FMN1: variants seen among roughly 807,000 people sequenced by gnomAD.
The protein encoded by FMN1 is formin-1.
Under a neutral mutation model 132.4 loss-of-function variants are expected in FMN1, and 110 were observed. The observed-to-expected ratio is 0.83, with a 90% CI of 0.71 to 0.97. The LOEUF (loss-of-function observed/expected upper bound fraction) is 0.97. FMN1 is among the 50% of genes least tolerant of loss of function. FMN1 has a pLI of 0.00. For synonymous variants in FMN1, 722 were observed against 651.7 expected, an observed-to-expected ratio of 1.11 and a Z score of -1.64; for missense variants, 1,792 against 1,705.3, an observed-to-expected ratio of 1.05 and a Z score of -0.90.
At chr15:33,177,622 T>C (rs1965558737) in intron 3 of FMN1, among the ~76,000 whole-genome samples, 1 of 152,012 alleles carries the variant, frequency 6.6e-6, no homozygotes, top group Non-Finnish European at 1.5e-5. Flanking sequence ...AGCGCACAAA[T>C]AGGATCAGAA....
At chr15:32,840,791 A>G (rs1015342913) in intron 17 of FMN1, among the ~76,000 whole-genome samples, 1 of 152,204 alleles carries the variant, frequency 6.6e-6, no homozygotes, top group African/African-American at 2.4e-5. Context: ...CAGAACATTG[A>G]GTGGACTGTA....
intron 4 of FMN1, among the ~76,000 whole-genome samples, chr15:33,128,564 C>G (rs562936725): frequency 6.6e-6 from 1 of 152,352 alleles, no homozygotes; most frequent in Non-Finnish European, 1.5e-5. Context: ...TCCGGAGTTT[C>G]TTGCTTCCGA....
At chr15:33,105,781 T>C (rs1451014577) in intron 4 of FMN1, 1 of 151,236 alleles carries the variant, frequency 6.6e-6, no homozygotes, top group African/African-American at 2.4e-5. Context: ...CATTGATTCA[T>C]AAGGTTATAA....
chr15:32,949,966 C>CGT (rs1164364044), intron 9 of FMN1, among the ~76,000 whole-genome samples: 2 of 7,404 alleles, frequency 2.7e-4, no homozygotes, highest in African/African-American at 9.8e-4. Flanking sequence ...TATATATATA[C>CGT]ACACATATAT....
chr15:32,899,915 A>G lies in FMN1; in HGVS notation c.3654+64T>C, dbSNP rs1223790078. ...TGGAACAATCTGGAATACGTTTTTT[A>G]AAATTAAAGGTAAAGAAAGAAAATA... On this transcript the variant is annotated intron_variant, in intron 14 of 20. Transcript: ENST00000616417. 3 of 1,517,606 alleles carry G rather than the reference A, an allele frequency of 2.0e-6. No homozygotes were observed. The Admixed American group carries it at 5.6e-5, about 28-fold the overall frequency. The allele number at this position is 1,517,606 out of a possible 1,614,324, so 94.0% of individuals were successfully genotyped here. A position where few individuals can be genotyped will look rare whatever the true frequency, so the allele number is the denominator to read the frequency against.
intron 3 of FMN1, among the ~76,000 whole-genome samples, chr15:33,161,456 C>G (rs71462853): frequency 6.6e-6 from 1 of 152,146 alleles, no homozygotes; most frequent in Non-Finnish European, 1.5e-5. Flanking sequence ...TCTCCTCCAG[C>G]TGCAGCTGCT....
chr15:33,047,843 C>G (rs1345677052), intron 6 of FMN1, among the ~76,000 whole-genome samples: 1 of 152,022 alleles, frequency 6.6e-6, no homozygotes, highest in Non-Finnish European at 1.5e-5. Context: ...CCCTATTCCT[C>G]CAAGGACTCC....
intron 10 of FMN1, among the ~76,000 whole-genome samples, chr15:32,914,353 T>C (rs1037056620): frequency 8.5e-5 from 13 of 152,236 alleles, no homozygotes; most frequent in South Asian, 2.1e-4. Flanking sequence ...GAACGTAAAC[T>C]GGAAGGATAC....
At chr15:33,189,860 T>C (rs1464498526) in intron 2 of FMN1, among the ~76,000 whole-genome samples, 1 of 152,208 alleles carries the variant, frequency 6.6e-6, no homozygotes, top group Admixed American at 6.5e-5. Flanking sequence ...GCCCTTGGAA[T>C]AGACTTTGAG....
chr15:33,089,434 G>A (rs147681456), intron 4 of FMN1, among the ~76,000 whole-genome samples: 18 of 152,280 alleles, frequency 1.2e-4, no homozygotes, highest in East Asian at 3.9e-4. Context: ...GGTGCATACC[G>A]GACTTGGACA....
At chr15:32,830,967 C>T (rs1051883871) in intron 17 of FMN1, among the ~76,000 whole-genome samples, 1 of 152,168 alleles carries the variant, frequency 6.6e-6, no homozygotes, top group East Asian at 1.9e-4. Flanking sequence ...CCCCCCACCA[C>T]TATAATCTCC....
intron 7 of FMN1, among the ~76,000 whole-genome samples, chr15:32,998,464 C>G (rs1023965909): frequency 1.3e-5 from 2 of 152,154 alleles, no homozygotes; most frequent in Admixed American, 1.3e-4. Context: ...AGGAAACTTA[C>G]GCCAGCTACT....
At chr15:33,084,005 T>C (rs147442014) in intron 5 of FMN1, among the ~76,000 whole-genome samples, 19 of 152,282 alleles carry the variant, frequency 1.2e-4, no homozygotes, top group African/African-American at 4.3e-4. Context: ...AGTTTGCTTA[T>C]ATGGTCTAAA....
intron 7 of FMN1, among the ~76,000 whole-genome samples, chr15:33,002,744 C>G (rs1195568644): frequency 1.3e-5 from 2 of 152,150 alleles, no homozygotes; most frequent in Admixed American, 1.3e-4. Flanking sequence ...ATATAAAAAT[C>G]TCCATATTTT....
chr15:32,946,845 T>A (rs563375335), intron 9 of FMN1, among the ~76,000 whole-genome samples: 12 of 152,296 alleles, frequency 7.9e-5, no homozygotes, highest in African/African-American at 2.6e-4. Context: ...AGTCTGCATA[T>A]GGAGCAACTA....
At chr15:33,010,818 A>AC (rs2034674048) in intron 6 of FMN1, among the ~76,000 whole-genome samples, 1 of 152,106 alleles carries the variant, frequency 6.6e-6, no homozygotes, top group Non-Finnish European at 1.5e-5. Context: ...TTCTAAAAAT[A>AC]CAAAATACCC....
chr15:33,088,076 C>T (rs1395157308), intron 5 of FMN1, among the ~76,000 whole-genome samples: 3 of 151,914 alleles, frequency 2.0e-5, no homozygotes, highest in Non-Finnish European at 2.9e-5. Flanking sequence ...TTGGGGGAAG[C>T]GAAGGATAAA....
In FMN1 at chr15:33,158,464, C is replaced by T. The variant is rs563615089; in HGVS notation, c.-131-3419G>A. On this transcript the variant is annotated intron_variant, in intron 3 of 20. Transcript: ENST00000616417. Reference sequence around the variant, plus strand: ...AAAAAGAAAAAAAAAAAGAACTTTACACTATTGCCTCATCCACCCAGAAAC... The same window carrying T: ...AAAAAGAAAAAAAAAAAGAACTTTATACTATTGCCTCATCCACCCAGAAAC... Among the ~76,000 whole-genome samples, 12 of 151,634 alleles carry T rather than the reference C, an allele frequency of 7.9e-5. No individual in the cohort carries two copies. The South Asian group carries it at 2.1e-3, about 26-fold the overall frequency.
chr15:32,968,583 C>G (rs941178432), intron 8 of FMN1, 131 bp downstream of exon 8: 2 of 1,352,698 alleles, frequency 1.5e-6, no homozygotes, highest in African/African-American at 1.5e-5. Flanking sequence ...CATTGTTTAT[C>G]CAAGCATTCA....
Sources: gnomAD v4.1 joint callset for allele counts (sites outside exome capture counted in the v4.1 genomes callset) on GRCh38, gnomAD v4.1.1 for gene constraint, MANE v1.5 for transcripts, NCBI Gene and HGNC (gene_info 2026-07-23, HGNC 2026-07-21) for gene names.